EPB41L2: variants seen among roughly 807,000 people sequenced by gnomAD.
The protein encoded by EPB41L2 is band 4.1-like protein 2.
EPB41L2 carries 43 observed loss-of-function variants against 113.0 expected under a neutral mutation model. The ratio of observed to expected loss-of-function variants is 0.38; its 90% confidence interval spans 0.30 to 0.49. EPB41L2 has a LOEUF of 0.49. EPB41L2 is among the 20% of genes least tolerant of loss of function. The probability of loss-of-function intolerance (pLI) is 0.95; values close to 1 mark genes in which losing one functional copy is unlikely to be tolerated. For synonymous variants in EPB41L2, 442 were observed against 436.7 expected, an observed-to-expected ratio of 1.01 and a Z score of -0.15; for missense variants, 1,147 against 1,223.4, an observed-to-expected ratio of 0.94 and a Z score of 0.93.
At chr6:131,021,825 A>C (rs1377635154) in intron 1 of EPB41L2, among the ~76,000 whole-genome samples, 2 of 152,208 alleles carry the variant, frequency 1.3e-5, no homozygotes, top group African/African-American at 4.8e-5. Context: ...CTAGTTGGTA[A>C]GGACGAACCC....
intron 19 of EPB41L2, among the ~76,000 whole-genome samples, chr6:130,849,091 T>G (rs1262468937): frequency 6.6e-6 from 1 of 152,160 alleles, no homozygotes; most frequent in Non-Finnish European, 1.5e-5. Flanking sequence ...ATAAGGAGAC[T>G]GGGCCCCAAG....
At chr6:130,992,246 A>T (rs1782048208) in intron 1 of EPB41L2, among the ~76,000 whole-genome samples, 1 of 152,172 alleles carries the variant, frequency 6.6e-6, no homozygotes. Context: ...ATATTAAGCA[A>T]AATGGTTCAG....
intron 1 of EPB41L2, among the ~76,000 whole-genome samples, chr6:131,051,793 T>C (rs1021630901): frequency 6.6e-6 from 1 of 152,074 alleles, no homozygotes; most frequent in African/African-American, 2.4e-5. Flanking sequence ...AACCAAACTA[T>C]AAGAGCAACC....
intron 14 of EPB41L2, among the ~76,000 whole-genome samples, chr6:130,873,887 C>G (rs1425113092): frequency 1.3e-5 from 2 of 151,980 alleles, no homozygotes. Context: ...TAGGCACTTG[C>G]AATATTCAGC....
chr6:130,865,281 T>C (rs1783371386), intron 17 of EPB41L2, among the ~76,000 whole-genome samples: 1 of 152,260 alleles, frequency 6.6e-6, no homozygotes, highest in African/African-American at 2.4e-5. Context: ...AAATTATTTA[T>C]GGTTTTGTAG....
chr6:130,920,831 A>G (rs4357159), intron 4 of EPB41L2, among the ~76,000 whole-genome samples: 47,988 of 151,896 alleles, frequency 0.32, 10,004 homozygotes, highest in African/African-American at 0.57. Context: ...TTACTTTTAA[A>G]TTTCTTCATC....
chr6:130,897,311 C>A (rs892444966), intron 8 of EPB41L2, among the ~76,000 whole-genome samples: 2 of 152,080 alleles, frequency 1.3e-5, no homozygotes, highest in African/African-American at 4.8e-5. Context: ...TTTTAAACTG[C>A]CACATATATT....
intron 9 of EPB41L2, 76 bp from the exon 10 acceptor site, chr6:130,894,517 G>T: frequency 7.7e-7 from 1 of 1,304,860 alleles, no homozygotes; most frequent in Non-Finnish European, 1.1e-6. Flanking sequence ...CATGCATTCA[G>T]ATGTTTCTGT....
chr6:130,968,231 G>A (rs1053156339), intron 1 of EPB41L2, among the ~76,000 whole-genome samples: 11 of 152,092 alleles, frequency 7.2e-5, no homozygotes, highest in Non-Finnish European at 1.0e-4. Context: ...CAGGATAAAC[G>A]CACAGGCTGC....
Position 131,000,156 on chromosome 6 carries a change from T to A in EPB41L2, c.-14-43657A>T, listed in dbSNP as rs1007602853. ...ATAAAGATGTGGAATAGTGGCTTTTTAAAAAAAAAAAATACAGGCATCACT... is the reference window on the plus strand; with the variant it reads ...ATAAAGATGTGGAATAGTGGCTTTTAAAAAAAAAAAAATACAGGCATCACT... On this transcript the variant is annotated intron_variant, in intron 1 of 19. Coordinates refer to ENST00000337057, the MANE Select transcript of EPB41L2 (RefSeq NM_001431.4). Among the ~76,000 whole-genome samples the A allele has an allele frequency of 9.4e-4, 139 of 148,034 alleles. 1 individual carries two copies. Among genetic ancestry groups the A allele is most frequent in the African/African-American group, 2.7e-3 (109 of 40,552 alleles).
At chr6:131,047,611 C>T (rs1034218680) in intron 1 of EPB41L2, among the ~76,000 whole-genome samples, 1 of 152,206 alleles carries the variant, frequency 6.6e-6, no homozygotes, top group Non-Finnish European at 1.5e-5. Flanking sequence ...CAACAATTTA[C>T]ACAACGATTT....
chr6:130,929,336 T>G (rs747262401), intron 3 of EPB41L2, among the ~76,000 whole-genome samples: 4 of 152,200 alleles, frequency 2.6e-5, no homozygotes, highest in Admixed American at 6.5e-5. Flanking sequence ...TAACTTACTT[T>G]TTACTTTGGA....
intron 1 of EPB41L2, among the ~76,000 whole-genome samples, chr6:131,056,079 G>A (rs1797521400): frequency 6.6e-6 from 1 of 152,120 alleles, no homozygotes; most frequent in Admixed American, 6.6e-5. Flanking sequence ...CTAAAATAAG[G>A]ATATTTATAT....
intron 1 of EPB41L2, among the ~76,000 whole-genome samples, chr6:131,020,263 T>C (rs1333997938): frequency 6.6e-6 from 1 of 152,202 alleles, no homozygotes; most frequent in Non-Finnish European, 1.5e-5. Context: ...TATTTGTTCA[T>C]ATCATTAACT....
chr6:130,937,724 C>A (rs1309875692), intron 3 of EPB41L2, among the ~76,000 whole-genome samples: 1 of 150,784 alleles, frequency 6.6e-6, no homozygotes, highest in Non-Finnish European at 1.5e-5. Flanking sequence ...GAGGCTGAGG[C>A]AGAATTGCTT....
chr6:131,051,452 C>CAAAAAAAAA (rs547631535), intron 1 of EPB41L2, among the ~76,000 whole-genome samples: 2 of 101,796 alleles, frequency 2.0e-5, no homozygotes, highest in African/African-American at 4.7e-5. Flanking sequence ...AAAAGTAAAG[C>CAAAAAAAAA]AAAAAAAAAA....
intron 12 of EPB41L2, chr6:130,880,607 T>G (rs2128465724): frequency 2.0e-6 from 1 of 509,676 alleles, no homozygotes; most frequent in Non-Finnish European, 3.4e-6. Context: ...CAACCTTTAC[T>G]GTGAGGCCCT....
chr6:130,919,138 A>G (rs1048775310), intron 4 of EPB41L2, among the ~76,000 whole-genome samples: 1 of 152,188 alleles, frequency 6.6e-6, no homozygotes, highest in Non-Finnish European at 1.5e-5. Flanking sequence ...CTCAGAAAGG[A>G]CACCTCATTC....
chr6:130,954,113 C>A (rs1255385859), intron 3 of EPB41L2, among the ~76,000 whole-genome samples: 1 of 125,008 alleles, frequency 8.0e-6, no homozygotes, highest in Non-Finnish European at 1.6e-5. Flanking sequence ...AGTGCAGTGG[C>A]GCAATCTCAG....
Sources: allele counts gnomAD v4.1 joint callset (sites outside exome capture counted in the v4.1 genomes callset), GRCh38; gene constraint gnomAD v4.1.1; transcripts MANE v1.5; gene names NCBI Gene and HGNC (gene_info 2026-07-23, HGNC 2026-07-21).